The following PRAG1 variants were observed in gnomAD, a reference collection of about 807,000 sequenced individuals.
PRAG1 encodes the protein inactive tyrosine-protein kinase PRAG1.
Under a neutral mutation model 95.6 loss-of-function variants are expected in PRAG1, and 110 were observed. The ratio of observed to expected loss-of-function variants is 1.15; its 90% CI spans 0.99 to 1.35. The LOEUF (loss-of-function observed/expected upper bound fraction) is 1.35, where lower values mean the gene tolerates loss of function less well. Ranked by LOEUF, PRAG1 falls within the 40% of genes most tolerant of loss-of-function variation. PRAG1 has a pLI of 0.00. For synonymous variants in PRAG1, 1,052 were observed against 819.4 expected, an observed-to-expected ratio of 1.28 and a Z score of -4.85; for missense variants, 2,554 against 1,864.7, an observed-to-expected ratio of 1.37 and a Z score of -6.81.
rs374661279 is a variant in PRAG1, at chr8:8,381,440, T to G, written c.308A>C (p.Asn103Thr). The G allele has an allele frequency of 1.7e-5, 28 of 1,610,112 alleles. 1 individual carries two copies. In the East Asian group the frequency reaches 5.6e-4, roughly 32 times the overall value. Residue 103 changes from asparagine (N) to threonine (T), a missense_variant, in exon 2 of 6, where the codon AAC becomes ACC. Coordinates refer to ENST00000615670, the MANE Select transcript of PRAG1 (RefSeq NM_001080826.3). ...CACCTGCGAGACTTCGGCACTCAGGTTGGCCTCTGTCCACACATCAGAGGC... is the reference window on the plus strand; with the variant it reads ...CACCTGCGAGACTTCGGCACTCAGGGTGGCCTCTGTCCACACATCAGAGGC... ...SEASDVWTEA[N>T]LSAEVSQVIW...
chr8:8,336,503 C>T (rs1798988119), intron 4 of PRAG1, among the ~76,000 whole-genome samples: 1 of 152,116 alleles, frequency 6.6e-6, no homozygotes, highest in Non-Finnish European at 1.5e-5. Flanking sequence ...ACTGGCTGTT[C>T]AATTGAATTG....
chr8:8,319,601 A>G (rs6996347), intron 5 of PRAG1, among the ~76,000 whole-genome samples: 38,499 of 152,148 alleles, frequency 0.25, 5,695 homozygotes, highest in East Asian at 0.54. Flanking sequence ...GAAAGTGGAA[A>G]GACAAGTAAT....
chr8:8,381,878 A>G, intron 1 of PRAG1, 44 bp from the exon 2 acceptor site: 1 of 665,350 alleles, frequency 1.5e-6, no homozygotes, highest in East Asian at 2.8e-5. Flanking sequence ...TTGCCATGCC[A>G]GACAATGGGT....
At chr8:8,362,669 T>C (rs369783830) in intron 3 of PRAG1, among the ~76,000 whole-genome samples, 1 of 152,190 alleles carries the variant, frequency 6.6e-6, no homozygotes, top group African/African-American at 2.4e-5. Flanking sequence ...AGTAGTCAGA[T>C]AAAAACTTTT....
Position 8,318,685 on chromosome 8 carries a change from C to A in PRAG1, c.3690G>T (p.Leu1230=). Residue 1230 remains leucine (L), a synonymous_variant, in exon 6 of 6, where the codon CTG becomes CTT. Coordinates refer to ENST00000615670, the MANE Select transcript of PRAG1 (RefSeq NM_001080826.3). The surrounding 1 kb of genome is among the most constrained non-coding windows in gnomAD (Gnocchi z 4.2). ...GCCGGGCCTGGCTCTTCTTCTGCTG[C>A]AGGTTTGGGGTGCCGCCCGGCTTCT... The part of the protein sequence containing the change: ...AKQKPGGTPN[L]QQKKSQARLA... 2 of 1,611,444 alleles carry A rather than the reference C, an allele frequency of 1.2e-6. No individual in the cohort carries two copies. The highest frequency in any genetic ancestry group is 1.7e-6 in the Non-Finnish European group (2 of 1,179,748).
intron 4 of PRAG1, among the ~76,000 whole-genome samples, chr8:8,330,059 A>C (rs1453462417): frequency 6.6e-6 from 1 of 152,200 alleles, no homozygotes; most frequent in African/African-American, 2.4e-5. Flanking sequence ...CCTTGGCTCT[A>C]TCATCTATCA....
At chr8:8,364,484 G>C (rs150046331) in intron 3 of PRAG1, among the ~76,000 whole-genome samples, 1 of 152,258 alleles carries the variant, frequency 6.6e-6, no homozygotes, top group African/African-American at 2.4e-5. Context: ...CAGTTCAACA[G>C]AAATCCTTAA....
In PRAG1 at chr8:8,328,313, C is replaced by G. The variant is rs768119796; in HGVS notation, c.2469G>C (p.Arg823=). 9 of 1,613,720 alleles carry G rather than the reference C, an allele frequency of 5.6e-6. No individual in the cohort carries two copies. The East Asian group carries it at 2.0e-4, about 36-fold the overall frequency. ...AGAAGCCATCCGGTGAAGAGGCTGCCCGGCTCACTATCTTTTTCTGGGGGA... is the reference window on the plus strand; with the variant it reads ...AGAAGCCATCCGGTGAAGAGGCTGCGCGGCTCACTATCTTTTTCTGGGGGA... ...PPLPQKKIVS[R]AASSPDGFFW... is the part of the protein sequence containing the mutation. Residue 823 remains arginine, a synonymous_variant, in exon 5 of 6, where the codon CGG becomes CGC. Transcript: ENST00000615670.
rs778503041 is a variant in PRAG1, at chr8:8,318,095, GCGAGA to G, written c.*54_*58del. ...CCAGGGAGACATGGGTGCTTCCAAG[GCGAGA>G]CAGGAAAGGGTTAGGCAGGGAAGGG... is the stretch of plus-strand genomic sequence containing the variant. On this transcript the variant is annotated 3_prime_UTR_variant, in exon 6 of 6. Transcript: ENST00000615670. This position sits in a 1 kb window ranked among gnomAD's most constrained non-coding sequence, Gnocchi z 4.2. 2.0e-6 allele frequency: 3 copies of G among 1,516,824 alleles called. No individual in the cohort carries two copies. Among genetic ancestry groups the G allele is most frequent in the Non-Finnish European group, 2.7e-6 (3 of 1,131,640 alleles). The allele number at this position is 1,516,824 out of a possible 1,614,324, so 94.0% of individuals were successfully genotyped here.
At chr8:8,364,345 C>G (rs111732775) in intron 3 of PRAG1, among the ~76,000 whole-genome samples, 1 of 152,080 alleles carries the variant, frequency 6.6e-6, no homozygotes, top group Non-Finnish European at 1.5e-5. Context: ...ATGTTTTTGC[C>G]TGTTTTTCTA....
At chr8:8,350,027 G>A (rs1799469367) in intron 3 of PRAG1, among the ~76,000 whole-genome samples, 1 of 151,796 alleles carries the variant, frequency 6.6e-6, no homozygotes, top group African/African-American at 2.4e-5. Context: ...TTCAGTCAAG[G>A]ATAAAAATTC....
At chr8:8,371,624 C>T (rs1469952264) in intron 3 of PRAG1, among the ~76,000 whole-genome samples, 1 of 152,124 alleles carries the variant, frequency 6.6e-6, no homozygotes, top group Admixed American at 6.5e-5. Context: ...AATCCCAACA[C>T]TTTGGGAGGC....
chr8:8,376,391 C>T lies in PRAG1; in HGVS notation c.2018G>A (p.Arg673His), dbSNP rs200548952. 1.7e-5 allele frequency: 28 copies of T among 1,614,122 alleles called. No homozygotes were observed. The highest frequency in any genetic ancestry group is 1.3e-4 in the East Asian group (6 of 44,822). The change falls in exon 3 of 6, where the codon CGT becomes CAT. Residue 673 changes from arginine (R) to histidine (H), a missense_variant. Coordinates refer to ENST00000615670, the MANE Select transcript of PRAG1 (RefSeq NM_001080826.3). ...AGAGGAGCCATCTGTGGGGTGGAGA[C>T]GGTGCCAGGTCGTGGAGTTTGAATG... ...TDHSNSTTWH[R>H]LHPTDGSSGQ...
chr8:8,359,601 G>C (rs1194594915), intron 3 of PRAG1, among the ~76,000 whole-genome samples: 2 of 152,180 alleles, frequency 1.3e-5, no homozygotes, highest in Non-Finnish European at 2.9e-5. Context: ...CAAGGTTTGA[G>C]CAGCCCATCT....
intron 3 of PRAG1, among the ~76,000 whole-genome samples, chr8:8,351,232 G>A (rs1300492188): frequency 1.3e-5 from 2 of 151,994 alleles, no homozygotes; most frequent in East Asian, 3.9e-4. Context: ...AGAGTAGGAG[G>A]AAGAGAGTGA....
At chr8:8,331,782 T>A (rs186009121) in intron 4 of PRAG1, among the ~76,000 whole-genome samples, 10 of 152,298 alleles carry the variant, frequency 6.6e-5, no homozygotes, top group South Asian at 2.1e-4. Flanking sequence ...GATTTTGTCC[T>A]TCCCTCTGTT....
intron 3 of PRAG1, among the ~76,000 whole-genome samples, chr8:8,355,897 A>G (rs1378436606): frequency 1.3e-5 from 2 of 152,236 alleles, no homozygotes; most frequent in African/African-American, 4.8e-5. Context: ...CCAAAAGCTC[A>G]GACTACAAAA....
At chr8:8,374,536 G>T (rs560012419) in intron 3 of PRAG1, 3 of 509,656 alleles carry the variant, frequency 5.9e-6, no homozygotes, top group Non-Finnish European at 7.6e-6. Flanking sequence ...TGTAAATTGG[G>T]GCTGGCAATT....
At chr8:8,365,734 G>A (rs1585263151) in intron 3 of PRAG1, among the ~76,000 whole-genome samples, 3 of 150,196 alleles carry the variant, frequency 2.0e-5, no homozygotes, top group Non-Finnish European at 4.4e-5. Context: ...AGGCCAAGGA[G>A]GGTGGATCAC....
Sources: gnomAD v4.1 joint callset for allele counts (sites outside exome capture counted in the v4.1 genomes callset) on GRCh38, gnomAD v4.1.1 for gene constraint, Gnocchi (gnomAD v3.1) non-coding constraint, MANE v1.5 for transcripts, NCBI Gene and HGNC (gene_info 2026-07-23, HGNC 2026-07-21) for gene names.